Variants in CSMD1 observed in about 807,000 individuals in gnomAD.
The protein encoded by CSMD1 is CUB and sushi domain-containing protein 1.
In CSMD1, 213 loss-of-function variants were observed where a neutral mutation model predicts 417.5. The ratio of observed to expected loss-of-function variants is 0.51; its 90% CI spans 0.46 to 0.57. CSMD1 has a LOEUF of 0.57. CSMD1 is among the 20% of genes least tolerant of loss of function. CSMD1 has a pLI of 0.00. For missense variants in CSMD1, 6,923 were observed against 4,529.7 expected (o/e 1.53, Z -15.17); for synonymous variants, 2,862 against 1,736.8 (o/e 1.65, Z -16.11).
intron 3 of CSMD1, among the ~76,000 whole-genome samples, chr8:4,355,782 A>C (rs1296663842): frequency 6.6e-6 from 1 of 152,134 alleles, no homozygotes; most frequent in Non-Finnish European, 1.5e-5. Flanking sequence ...TTCATGGGTA[A>C]CATGTGCTAC....
At chr8:3,481,157 A>T (rs1215444611) in intron 11 of CSMD1, among the ~76,000 whole-genome samples, 2 of 141,572 alleles carry the variant, frequency 1.4e-5, no homozygotes, top group Non-Finnish European at 3.0e-5. Flanking sequence ...TCCATCTCAA[A>T]AAAAAAAAAA....
At chr8:4,674,823 C>T (rs1805572978) in intron 1 of CSMD1, among the ~76,000 whole-genome samples, 1 of 151,882 alleles carries the variant, frequency 6.6e-6, no homozygotes, top group Admixed American at 6.6e-5. Context: ...GCTAAGCCCC[C>T]AATGTGATAT....
chr8:4,503,959 C>T (rs887112365), intron 2 of CSMD1, among the ~76,000 whole-genome samples: 7 of 142,826 alleles, frequency 4.9e-5, no homozygotes, highest in African/African-American at 1.6e-4. Flanking sequence ...AGCAACACTA[C>T]TTGCATATTC....
At chr8:4,238,449 G>C (rs1802196582) in intron 3 of CSMD1, among the ~76,000 whole-genome samples, 1 of 152,138 alleles carries the variant, frequency 6.6e-6, no homozygotes, top group Non-Finnish European at 1.5e-5. Context: ...ATTCCCTCAT[G>C]GACAAAGATG....
chr8:4,605,873 G>C (rs1422601022), intron 2 of CSMD1, among the ~76,000 whole-genome samples: 1 of 152,094 alleles, frequency 6.6e-6, no homozygotes, highest in Non-Finnish European at 1.5e-5. Flanking sequence ...AGCCAAATGA[G>C]GCTGGAGTAG....
At chr8:3,441,919 G>T (rs1196868177) in intron 12 of CSMD1, among the ~76,000 whole-genome samples, 1 of 152,054 alleles carries the variant, frequency 6.6e-6, no homozygotes, top group Non-Finnish European at 1.5e-5. Flanking sequence ...TGAGATCACT[G>T]AACATGAGAG....
intron 1 of CSMD1, among the ~76,000 whole-genome samples, chr8:4,713,681 G>A (rs952281903): frequency 6.6e-6 from 1 of 152,108 alleles, no homozygotes; most frequent in Non-Finnish European, 1.5e-5. Flanking sequence ...AGGACCCAGA[G>A]CTCCAGCTGC....
intron 3 of CSMD1, among the ~76,000 whole-genome samples, chr8:4,235,905 C>T (rs1221897358): frequency 6.6e-6 from 1 of 152,198 alleles, no homozygotes; most frequent in Non-Finnish European, 1.5e-5. Flanking sequence ...CGTAGCTGAG[C>T]CGCAGCTTCC....
chr8:4,107,188 G>C (rs1257829775), intron 3 of CSMD1, among the ~76,000 whole-genome samples: 2 of 152,172 alleles, frequency 1.3e-5, no homozygotes, highest in African/African-American at 2.4e-5. Flanking sequence ...GCAACAAAAA[G>C]GCTGAAAAAC....
At chr8:4,975,697 A>C (rs75848730) in intron 1 of CSMD1, among the ~76,000 whole-genome samples, 7,121 of 152,256 alleles carry the variant, frequency 0.047, 514 homozygotes, top group African/African-American at 0.16. Flanking sequence ...GGCTATTACC[A>C]TTGTGAGCTC....
chr8:4,850,382 C>CTTTTTTTTTTTTTTTTTTTTTTTTTTTTT, intron 1 of CSMD1, among the ~76,000 whole-genome samples: 1 of 77,826 alleles, frequency 1.3e-5, no homozygotes, highest in African/African-American at 5.2e-5. Flanking sequence ...TCCAATTTAT[C>CTTTTTTTTTTTTTTTTTTTTTTTTTTTTT]TTTTTTTTTT....
chr8:4,089,783 A>G (rs1800620190), intron 3 of CSMD1, among the ~76,000 whole-genome samples: 1 of 152,170 alleles, frequency 6.6e-6, no homozygotes, highest in African/African-American at 2.4e-5. Context: ...ATGGGCAATA[A>G]TGCCACTCAG....
intron 2 of CSMD1, among the ~76,000 whole-genome samples, chr8:4,537,801 C>T (rs12676680): frequency 0.36 from 54,010 of 152,040 alleles, 10,779 homozygotes; most frequent in South Asian, 0.47. Flanking sequence ...ACTCTCAGGG[C>T]CGTGTTTATC....
At chr8:4,156,869 A>G (rs1037234614) in intron 3 of CSMD1, among the ~76,000 whole-genome samples, 2 of 152,190 alleles carry the variant, frequency 1.3e-5, no homozygotes, top group Non-Finnish European at 2.9e-5. Context: ...TCTGAGCTTA[A>G]GTCTCCTCAT....
chr8:4,456,363 G>A (rs866037320), intron 2 of CSMD1, among the ~76,000 whole-genome samples: 2 of 152,250 alleles, frequency 1.3e-5, no homozygotes, highest in African/African-American at 4.8e-5. Flanking sequence ...TAAAAATACT[G>A]TATCTGTCAC....
chr8:4,128,336 C>G (rs570178709), intron 3 of CSMD1, among the ~76,000 whole-genome samples: 63 of 152,152 alleles, frequency 4.1e-4, no homozygotes, highest in African/African-American at 1.4e-3. Context: ...AATGAGGAGA[C>G]AAGAACGTGA....
At chr8:3,518,626 G>A (rs547188984) in intron 10 of CSMD1, among the ~76,000 whole-genome samples, 2 of 152,072 alleles carry the variant, frequency 1.3e-5, no homozygotes, top group Admixed American at 1.3e-4. Flanking sequence ...GTTAATGTAG[G>A]GTATCAAAAA....
chr8:3,430,341 G>C (rs770388662), intron 12 of CSMD1, among the ~76,000 whole-genome samples: 5 of 152,040 alleles, frequency 3.3e-5, no homozygotes, highest in Non-Finnish European at 5.9e-5. Flanking sequence ...TGTATGTGTT[G>C]TATAGATTTT....
chr8:3,049,768 T>C (rs1811695290), intron 50 of CSMD1, among the ~76,000 whole-genome samples: 1 of 152,124 alleles, frequency 6.6e-6, no homozygotes, highest in Non-Finnish European at 1.5e-5. Context: ...CGCTGGGCTC[T>C]GGGTGATGAT....
Sources: gnomAD v4.1 joint callset for allele counts (sites outside exome capture counted in the v4.1 genomes callset) on GRCh38, gnomAD v4.1.1 for gene constraint, MANE v1.5 for transcripts, NCBI Gene and HGNC (gene_info 2026-07-23, HGNC 2026-07-21) for gene names.